SFI1: variants seen among roughly 807,000 people sequenced by gnomAD.
SFI1 encodes protein SFI1 homolog.
A neutral mutation model predicts 207.5 loss-of-function variants in SFI1; 195 were observed. The ratio of observed to expected loss-of-function variants is 0.94; its 90% CI spans 0.84 to 1.06. The LOEUF is 1.06. Among genes scored for constraint, SFI1 ranks in the 50% least tolerant of loss-of-function variants. SFI1 has a pLI of 0.00. For synonymous variants in SFI1, 630 were observed against 598.9 expected (o/e 1.05, Z -0.76); for missense variants, 1,634 against 1,588.0 (o/e 1.03, Z -0.49).
chr22:31,605,536 C>G (rs2068821851), intron 20 of SFI1: 1 of 152,496 alleles, frequency 6.6e-6, no homozygotes, highest in African/African-American at 2.4e-5. Context: ...CTCCTGGTGG[C>G]CTATGGACAG....
At chr22:31,498,494 T>C (rs1487279971) in intron 1 of SFI1, among the ~76,000 whole-genome samples, 1 of 150,810 alleles carries the variant, frequency 6.6e-6, no homozygotes, top group Non-Finnish European at 1.5e-5. Context: ...CTACTAAAAA[T>C]ACAAAAATTA....
intron 2 of SFI1, among the ~76,000 whole-genome samples, chr22:31,512,349 C>T (rs1419779312): frequency 6.8e-6 from 1 of 147,420 alleles, no homozygotes; most frequent in Admixed American, 6.7e-5. Context: ...CAGCGAAACT[C>T]CATCTCAAAA....
At chr22:31,604,180 G>GT in intron 18 of SFI1, 129 bp from the exon 19 acceptor site, 1 of 706,664 alleles carries the variant, frequency 1.4e-6, no homozygotes. Context: ...TAAGAAGCAC[G>GT]TATTTATAGA....
chr22:31,512,612 G>C (rs565872763), intron 2 of SFI1, among the ~76,000 whole-genome samples: 107 of 151,828 alleles, frequency 7.0e-4, no homozygotes, highest in South Asian at 1.2e-3. Flanking sequence ...CCACCTCAGG[G>C]GTTCAAACAA....
intron 21 of SFI1, among the ~76,000 whole-genome samples, chr22:31,607,060 CA>C (rs201700916): frequency 6.6e-6 from 1 of 150,772 alleles, no homozygotes. Flanking sequence ...AAGGTTGTCT[CA>C]AAAAAAAGAA....
At chr22:31,521,954 G>A (rs1303307030) in intron 2 of SFI1, among the ~76,000 whole-genome samples, 4 of 151,610 alleles carry the variant, frequency 2.6e-5, no homozygotes, top group Non-Finnish European at 4.4e-5. Flanking sequence ...TAGTAGAGAC[G>A]GGGTTTCATC....
chr22:31,514,235 G>A (rs1255681785), intron 2 of SFI1, among the ~76,000 whole-genome samples: 2 of 151,808 alleles, frequency 1.3e-5, no homozygotes, highest in African/African-American at 4.8e-5. Context: ...GCCGGGTGCG[G>A]TGGCTCATGC....
intron 15 of SFI1, among the ~76,000 whole-genome samples, chr22:31,601,936 G>GCACACA (rs1386454953): frequency 2.1e-5 from 3 of 145,018 alleles, no homozygotes; most frequent in Non-Finnish European, 1.5e-5. Flanking sequence ...GGTACTACAG[G>GCACACA]CACACACCAT....
At chr22:31,505,431 T>C (rs1361868555) in intron 1 of SFI1, among the ~76,000 whole-genome samples, 1 of 146,104 alleles carries the variant, frequency 6.8e-6, no homozygotes, top group Non-Finnish European at 1.5e-5. Flanking sequence ...AGAGCGAGAC[T>C]GTCTCGGAAA....
chr22:31,616,440 T>G, intron 29 of SFI1: 1 of 323,536 alleles, frequency 3.1e-6, no homozygotes, highest in Admixed American at 4.7e-5. Context: ...CAGGTGGGGG[T>G]GGAGGGTTGG....
At position 31,618,401 on chromosome 22, in the gene SFI1, C is replaced by G; in HGVS notation, c.3712C>G (p.Arg1238Gly). The change falls in exon 33 of 33, where the codon CGG becomes GGG. Residue 1238 changes from arginine (R) to glycine (G), a missense_variant. Coordinates refer to ENST00000400288, the MANE Select transcript of SFI1 (RefSeq NM_001007467.3). ...CTGCGTTGCCCGCATCCAGGCCCTG[C>G]GGCAGGCCCTGTGCTAGCGTGTTCG... ...GACVARIQAL[R>G]QALC 1.9e-6 allele frequency: 3 copies of G among 1,595,032 alleles called. No homozygotes were observed. In the South Asian group the frequency reaches 3.4e-5, roughly 18 times the overall value.
At chr22:31,537,083 C>G (rs2059069333) in intron 4 of SFI1, among the ~76,000 whole-genome samples, 2 of 152,006 alleles carry the variant, frequency 1.3e-5, no homozygotes, top group East Asian at 3.9e-4. Flanking sequence ...TTGGCAGTTA[C>G]TGGTATTGCT....
chr22:31,563,539 C>A (rs1209499132), intron 8 of SFI1, among the ~76,000 whole-genome samples: 2 of 152,080 alleles, frequency 1.3e-5, no homozygotes, highest in African/African-American at 4.8e-5. Flanking sequence ...TCTACTGATG[C>A]TACTGTTGCT....
intron 2 of SFI1, among the ~76,000 whole-genome samples, chr22:31,510,590 C>T (rs1256760457): frequency 2.0e-5 from 3 of 151,904 alleles, no homozygotes; most frequent in African/African-American, 4.8e-5. Context: ...CATGCCACCA[C>T]GCCTGGCTAA....
chr22:31,563,198 G>T, intron 8 of SFI1, among the ~76,000 whole-genome samples: 1 of 151,854 alleles, frequency 6.6e-6, no homozygotes, highest in Non-Finnish European at 1.5e-5. Context: ...TCACCGTGTT[G>T]CCCAGGGTGG....
chr22:31,496,952 G>C (rs900415218), intron 1 of SFI1, among the ~76,000 whole-genome samples: 3 of 152,224 alleles, frequency 2.0e-5, no homozygotes, highest in Admixed American at 6.5e-5. Flanking sequence ...GCCGGTGCTC[G>C]AGTCCACGCA....
chr22:31,589,728 C>T, intron 15 of SFI1, 151 bp downstream of exon 15: 2 of 729,522 alleles, frequency 2.7e-6, no homozygotes, highest in Non-Finnish European at 4.1e-6. Context: ...TTGATTTCAT[C>T]TAGCAGGAAA....
At chr22:31,580,567 C>T in intron 12 of SFI1, among the ~76,000 whole-genome samples, 1 of 109,640 alleles carries the variant, frequency 9.1e-6, no homozygotes, top group African/African-American at 3.4e-5. Flanking sequence ...TTTTTTGAGA[C>T]AGTCTTTCTC....
intron 8 of SFI1, among the ~76,000 whole-genome samples, chr22:31,565,042 C>G (rs570769332): frequency 2.0e-5 from 3 of 146,384 alleles, no homozygotes; most frequent in Non-Finnish European, 3.0e-5. Flanking sequence ...CCAGGATGGT[C>G]TCGATCTCCT....
Sources: allele counts gnomAD v4.1 joint callset (sites outside exome capture counted in the v4.1 genomes callset), GRCh38; gene constraint gnomAD v4.1.1; transcripts MANE v1.5; gene names NCBI Gene and HGNC (gene_info 2026-07-23, HGNC 2026-07-21).